The following CAPN1 variants were observed in gnomAD, a reference collection of about 807,000 sequenced individuals.
CAPN1 encodes calpain 1.
CAPN1 carries 77 observed loss-of-function variants against 105.2 expected under a neutral mutation model. The observed-to-expected ratio is 0.73, with a 90% confidence interval of 0.61 to 0.88. CAPN1 has a LOEUF of 0.88. Among genes scored for constraint, CAPN1 ranks in the 40% least tolerant of loss-of-function variants. CAPN1 has a pLI of 0.00. For synonymous variants in CAPN1, 355 were observed against 388.8 expected (o/e 0.91, Z 1.02); for missense variants, 833 against 976.6 (o/e 0.85, Z 1.96).
chr11:65,190,603 C>T (rs1285262355), intron 10 of CAPN1, among the ~76,000 whole-genome samples: 2 of 152,158 alleles, frequency 1.3e-5, no homozygotes, highest in African/African-American at 2.4e-5. Context: ...ATCCCTCTGC[C>T]GATAACACAT....
At chr11:65,205,488 T>C (rs557451750) in intron 11 of CAPN1, among the ~76,000 whole-genome samples, 1 of 151,548 alleles carries the variant, frequency 6.6e-6, no homozygotes, top group Non-Finnish European at 1.5e-5. Context: ...CAGAATGGAG[T>C]CCTAGGGCAA....
At chr11:65,194,471 G>A (rs1481960905) in intron 10 of CAPN1, among the ~76,000 whole-genome samples, 1 of 152,124 alleles carries the variant, frequency 6.6e-6, no homozygotes, top group Non-Finnish European at 1.5e-5. Flanking sequence ...CACTTTTAAT[G>A]TGTGAAATTT....
intron 10 of CAPN1, among the ~76,000 whole-genome samples, chr11:65,197,888 GAAAAAAAA>G (rs71049687): frequency 1.2e-5 from 1 of 83,490 alleles, no homozygotes; most frequent in South Asian, 5.0e-4. Flanking sequence ...AACTCTATCT[GAAAAAAAA>G]AAAAAAAAAA....
In CAPN1 at chr11:65,208,004, A is replaced by G; in HGVS notation, c.1606-51A>G. On this transcript the variant is annotated intron_variant, in intron 14 of 21. Coordinates refer to ENST00000279247, the MANE Select transcript of CAPN1 (RefSeq NM_005186.4). The surrounding 1 kb of genome is among the most constrained non-coding windows in gnomAD (Gnocchi z 4.1). Reference sequence around the variant, plus strand: ...CAGCCCTCCCTCCAGCTGCCTCCACACGGGCAGGGCCGGGGCCTCTCTTAC... The same window carrying G: ...CAGCCCTCCCTCCAGCTGCCTCCACGCGGGCAGGGCCGGGGCCTCTCTTAC... 6.9e-7 allele frequency: 1 copy of G among 1,459,732 alleles called. No homozygotes were observed. The highest frequency in any genetic ancestry group is 9.4e-7 in the Non-Finnish European group (1 of 1,066,142). The allele number at this position is 1,459,732 out of a possible 1,614,324, so 90.4% of individuals were successfully genotyped here. A position where few individuals can be genotyped will look rare whatever the true frequency, so the allele number is the denominator to read the frequency against.
Position 65,188,887 on chromosome 11 carries a change from A to G in CAPN1, c.1165+141A>G. The G allele has an allele frequency of 2.7e-6, 2 of 736,272 alleles. No homozygotes were observed. The highest frequency in any genetic ancestry group is 4.4e-6 in the Non-Finnish European group (2 of 459,248). The allele number at this position is 736,272 out of a possible 1,614,324, so 45.6% of individuals were successfully genotyped here. ...TTTGCTTTGAGGAGTAAAATATTAAATGTCCTAGTAAATTTTAAAGAGGCA... is the reference window on the plus strand; with the variant it reads ...TTTGCTTTGAGGAGTAAAATATTAAGTGTCCTAGTAAATTTTAAAGAGGCA... On this transcript the variant is annotated intron_variant, in intron 10 of 21. Coordinates refer to ENST00000279247, the MANE Select transcript of CAPN1 (RefSeq NM_005186.4). The surrounding 1 kb of genome is among the most constrained non-coding windows in gnomAD (Gnocchi z 5.5).
chr11:65,202,954 G>A (rs1222542852), intron 10 of CAPN1, among the ~76,000 whole-genome samples: 1 of 152,042 alleles, frequency 6.6e-6, no homozygotes, highest in Non-Finnish European at 1.5e-5. Flanking sequence ...TTTGCCTACT[G>A]GGATATTTCA....
chr11:65,207,455 C>T (rs1339008990), intron 14 of CAPN1, among the ~76,000 whole-genome samples: 2 of 151,426 alleles, frequency 1.3e-5, no homozygotes, highest in Non-Finnish European at 2.9e-5. Flanking sequence ...CCACCTCGGC[C>T]TCACAAAGTG....
chr11:65,200,383 C>T (rs1029039515), intron 10 of CAPN1, among the ~76,000 whole-genome samples: 3 of 151,704 alleles, frequency 2.0e-5, no homozygotes, highest in East Asian at 3.9e-4. Context: ...CTCACTCTGT[C>T]GCCCAGGCTG....
Position 65,206,580 on chromosome 11 carries a change from C to T in CAPN1, c.1471C>T (p.Pro491Ser), listed in dbSNP as rs779500680. The part of the protein sequence containing the change: ...REVSTRFRLP[P>S]GEYVVVPSTF... The stretch of plus-strand genomic sequence containing the variant: ...GGTCAGCACCCGCTTCCGCCTGCCA[C>T]CCGGGGAGTATGTGGTGGTGCCCTC... Residue 491 changes from proline to serine, a missense_variant, in exon 13 of 22, where the codon CCC becomes TCC. Pro to Ser is a moderately conservative substitution (Grantham distance 74). Transcript: ENST00000279247. 10 of 1,613,372 alleles carry T rather than the reference C, an allele frequency of 6.2e-6. No homozygotes were observed. The highest frequency in any genetic ancestry group is 7.6e-6 in the Non-Finnish European group (9 of 1,179,890).
rs752735279 is a variant in CAPN1, at chr11:65,188,724, G to A, written c.1143G>A (p.Ala381=). Residue 381 remains alanine, a synonymous_variant, in exon 10 of 22, where the codon GCG becomes GCA. Coordinates refer to ENST00000279247, the MANE Select transcript of CAPN1 (RefSeq NM_005186.4). The surrounding 1 kb of genome is among the most constrained non-coding windows in gnomAD (Gnocchi z 5.5). ...GCACCTGGCGGCGGGGGAGCACCGC[G>A]GGGGGCTGCCGAAACTACCCAGGTG... ...YEGTWRRGST[A]GGCRNYPATF... is the part of the protein sequence containing the mutation. 22 of 1,582,994 alleles carry A rather than the reference G, an allele frequency of 1.4e-5. No individual in the cohort carries two copies. The highest frequency in any genetic ancestry group is 5.7e-5 in the South Asian group (5 of 87,400).
chr11:65,191,725 T>C (rs896608923), intron 10 of CAPN1, among the ~76,000 whole-genome samples: 1 of 152,200 alleles, frequency 6.6e-6, no homozygotes, highest in Admixed American at 6.5e-5. Context: ...AATGACAGAT[T>C]GTTTCTTCTT....
At chr11:65,187,480 T>A (rs1473700490) in intron 7 of CAPN1, 182 bp downstream of exon 7, 4 of 601,708 alleles carry the variant, frequency 6.6e-6, no homozygotes, top group Non-Finnish European at 8.9e-6. Context: ...CCTGACTGAC[T>A]GTAGTTCATG....
Position 65,210,308 on chromosome 11 carries a change from C to G in CAPN1, c.1943-28C>G. On this transcript the variant is annotated intron_variant, in intron 19 of 21. Coordinates refer to ENST00000279247, the MANE Select transcript of CAPN1 (RefSeq NM_005186.4). The surrounding 1 kb of genome is among the most constrained non-coding windows in gnomAD (Gnocchi z 4.3). ...CCTGTTGGGCAGGGGCTGCGCCTCA[C>G]TGACCTTCACTCACTCTCCTGGACC... is the stretch of plus-strand genomic sequence containing the variant. The G allele has an allele frequency of 6.6e-7, 1 of 1,523,486 alleles. No individual in the cohort carries two copies. Among genetic ancestry groups the G allele is most frequent in the Non-Finnish European group, 9.1e-7 (1 of 1,102,688 alleles). The allele number at this position is 1,523,486 out of a possible 1,614,324, so 94.4% of individuals were successfully genotyped here.
At chr11:65,183,350 T>C in intron 3 of CAPN1, 124 bp from the exon 4 acceptor site, 1 of 1,107,758 alleles carries the variant, frequency 9.0e-7, no homozygotes, top group Non-Finnish European at 1.4e-6. Context: ...TCCTGGGTCT[T>C]TTCTGCAAGC....
At position 65,209,074 on chromosome 11, in the gene CAPN1, C is replaced by T; in HGVS notation, c.1730-249C>T. 1.8e-6 allele frequency: 1 copy of T among 560,078 alleles called. No homozygotes were observed. The highest frequency in any genetic ancestry group is 3.2e-6 in the Non-Finnish European group (1 of 310,904). The allele number at this position is 560,078 out of a possible 1,614,324, so 34.7% of individuals were successfully genotyped here. On this transcript the variant is annotated intron_variant, in intron 16 of 21. Transcript: ENST00000279247. The surrounding 1 kb of genome is among the most constrained non-coding windows in gnomAD (Gnocchi z 4.1). The stretch of plus-strand genomic sequence containing the variant: ...CCCCATCTTTCTACCCAATTTCTCG[C>T]TCTTCTGTTTCACACTCATTTCTTT...
intron 10 of CAPN1, among the ~76,000 whole-genome samples, chr11:65,201,172 C>T (rs1323716454): frequency 1.3e-5 from 2 of 151,670 alleles, no homozygotes; most frequent in Non-Finnish European, 2.9e-5. Context: ...TCTTGATCTC[C>T]TGACCTCATG....
intron 4 of CAPN1, 139 bp from the exon 5 acceptor site, chr11:65,185,778 C>A (rs1475416609): frequency 2.3e-6 from 2 of 853,870 alleles, no homozygotes; most frequent in East Asian, 5.4e-5. Context: ...TAGTATGTAT[C>A]TAATTTACAT....
rs532468580 is a variant in CAPN1 at position 65,196,120 on chromosome 11, C to G, written c.1165+7374C>G. Among the ~76,000 whole-genome samples, 19 of 152,016 alleles carry G rather than the reference C, an allele frequency of 1.2e-4. 1 individual carries two copies. In the South Asian group the frequency reaches 1.9e-3, roughly 15 times the overall value. On this transcript the variant is annotated intron_variant, in intron 10 of 21. Coordinates refer to ENST00000279247, the MANE Select transcript of CAPN1 (RefSeq NM_005186.4). The stretch of plus-strand genomic sequence containing the variant: ...GTAATTTGAGTCCTCTGTCTTTTCT[C>G]CTGTTTAGGCCAGGTAAAGAATTGT...
intron 2 of CAPN1, 67 bp downstream of exon 2, chr11:65,183,035 T>A (rs1167803358): frequency 6.2e-7 from 1 of 1,605,336 alleles, no homozygotes; most frequent in Non-Finnish European, 8.5e-7. Context: ...GGGATGGGAC[T>A]CCATGTCCCT....
Sources: allele counts gnomAD v4.1 joint callset (sites outside exome capture counted in the v4.1 genomes callset), GRCh38; gene constraint gnomAD v4.1.1; non-coding constraint Gnocchi (gnomAD v3.1); transcripts MANE v1.5; gene names NCBI Gene and HGNC (gene_info 2026-07-23, HGNC 2026-07-21).